LRFN5: variants seen among roughly 807,000 people sequenced by gnomAD.
LRFN5 encodes the protein leucine-rich repeat and fibronectin type-III domain-containing protein 5.
A neutral mutation model predicts 45.6 loss-of-function variants in LRFN5; 24 were observed. That is an observed-to-expected ratio of 0.53 (90% CI 0.38 to 0.74). The LOEUF is 0.74. Among genes scored for constraint, LRFN5 ranks in the 30% least tolerant of loss-of-function variants. The pLI is 0.00. For missense variants in LRFN5, 776 were observed against 861.5 expected (o/e 0.90, Z 1.24); for synonymous variants, 340 against 313.8 (o/e 1.08, Z -0.88).
chr14:41,683,768 C>A (rs1471432339), intron 1 of LRFN5, among the ~76,000 whole-genome samples: 1 of 151,948 alleles, frequency 6.6e-6, no homozygotes, highest in African/African-American at 2.4e-5. Context: ...ACAATTAAAA[C>A]TATAAAACAT....
At chr14:41,649,878 T>A (rs567975288) in intron 1 of LRFN5, among the ~76,000 whole-genome samples, 60 of 152,316 alleles carry the variant, frequency 3.9e-4, no homozygotes, top group African/African-American at 1.3e-3. Flanking sequence ...ATACTCTGTT[T>A]CAGTAGTTCC....
At chr14:41,662,218 G>A (rs1026860991) in intron 1 of LRFN5, among the ~76,000 whole-genome samples, 1 of 152,056 alleles carries the variant, frequency 6.6e-6, no homozygotes, top group African/African-American at 2.4e-5. Flanking sequence ...ATATGAATAA[G>A]AGCTGAGACG....
At chr14:41,883,079 C>T (rs1252637695) in intron 2 of LRFN5, among the ~76,000 whole-genome samples, 1 of 151,834 alleles carries the variant, frequency 6.6e-6, no homozygotes, top group Admixed American at 6.6e-5. Context: ...GAACTCCTGA[C>T]CACGTAATCT....
intron 2 of LRFN5, among the ~76,000 whole-genome samples, chr14:41,824,221 A>T (rs1295147985): frequency 6.6e-6 from 1 of 152,148 alleles, no homozygotes; most frequent in Non-Finnish European, 1.5e-5. Flanking sequence ...GGTTATTTAG[A>T]GGTGTTGTAA....
chr14:41,830,400 A>C (rs1295049254), intron 2 of LRFN5, among the ~76,000 whole-genome samples: 1 of 152,140 alleles, frequency 6.6e-6, no homozygotes, highest in African/African-American at 2.4e-5. Flanking sequence ...TGTTAATAAA[A>C]TATTTAAAGG....
At chr14:41,834,775 A>G (rs1888604156) in intron 2 of LRFN5, among the ~76,000 whole-genome samples, 1 of 151,882 alleles carries the variant, frequency 6.6e-6, no homozygotes. Context: ...TGATCCTCCC[A>G]CCTCAGCCAC....
chr14:41,800,687 C>T (rs1887296474), intron 2 of LRFN5, among the ~76,000 whole-genome samples: 1 of 151,180 alleles, frequency 6.6e-6, no homozygotes, highest in Non-Finnish European at 1.5e-5. Flanking sequence ...AAATTAAATG[C>T]AGCATACACG....
intron 1 of LRFN5, among the ~76,000 whole-genome samples, chr14:41,620,489 C>T (rs184519016): frequency 3.3e-5 from 5 of 151,996 alleles, no homozygotes; most frequent in Admixed American, 6.6e-5. Context: ...AGGACATGTT[C>T]GAAGAATTGA....
chr14:41,803,271 C>A (rs1887401595), intron 2 of LRFN5, among the ~76,000 whole-genome samples: 1 of 152,034 alleles, frequency 6.6e-6, no homozygotes, highest in South Asian at 2.1e-4. Flanking sequence ...ACATTCTTTT[C>A]CAAAACTACA....
At chr14:41,704,688 G>A (rs1882992617) in intron 1 of LRFN5, among the ~76,000 whole-genome samples, 1 of 151,780 alleles carries the variant, frequency 6.6e-6, no homozygotes, top group African/African-American at 2.4e-5. Flanking sequence ...ATCACTTATT[G>A]TACTAGTTGC....
chr14:41,634,740 G>A (rs1888672184), intron 1 of LRFN5, among the ~76,000 whole-genome samples: 1 of 152,056 alleles, frequency 6.6e-6, no homozygotes, highest in African/African-American at 2.4e-5. Flanking sequence ...TAGGGTTTGG[G>A]TCTGTTTTAA....
intron 2 of LRFN5, among the ~76,000 whole-genome samples, chr14:41,805,014 G>A (rs953133293): frequency 6.6e-6 from 1 of 151,978 alleles, no homozygotes; most frequent in Non-Finnish European, 1.5e-5. Flanking sequence ...TGGTTTTACT[G>A]CAGAAGGAAT....
intron 2 of LRFN5, among the ~76,000 whole-genome samples, chr14:41,881,420 C>T (rs1218381242): frequency 6.6e-6 from 1 of 151,456 alleles, no homozygotes; most frequent in Non-Finnish European, 1.5e-5. Context: ...AGTTATTCTC[C>T]ATATATGCAA....
intron 2 of LRFN5, among the ~76,000 whole-genome samples, chr14:41,784,732 G>T (rs1300603771): frequency 3.3e-5 from 5 of 151,974 alleles, no homozygotes; most frequent in African/African-American, 1.2e-4. Flanking sequence ...GGGTTCAAAT[G>T]ATTCTCCTGC....
chr14:41,896,650 G>A (rs1287480869), intron 4 of LRFN5, among the ~76,000 whole-genome samples: 3 of 152,072 alleles, frequency 2.0e-5, no homozygotes, highest in African/African-American at 7.2e-5. Flanking sequence ...AGGACAGATT[G>A]CCCAGTCTTT....
intron 2 of LRFN5, among the ~76,000 whole-genome samples, chr14:41,779,061 C>T (rs1373964443): frequency 6.6e-6 from 1 of 151,732 alleles, no homozygotes; most frequent in African/African-American, 2.4e-5. Flanking sequence ...TGAGAGGGAA[C>T]ATTCTTATAT....
At chr14:41,621,027 A>G (rs1888116360) in intron 1 of LRFN5, among the ~76,000 whole-genome samples, 1 of 152,114 alleles carries the variant, frequency 6.6e-6, no homozygotes, top group Non-Finnish European at 1.5e-5. Context: ...ATTTACTTAT[A>G]TGTACCAATA....
chr14:41,859,627 C>G (rs1333684991), intron 2 of LRFN5, among the ~76,000 whole-genome samples: 2 of 152,156 alleles, frequency 1.3e-5, no homozygotes, highest in Non-Finnish European at 2.9e-5. Flanking sequence ...AGTTCAAATG[C>G]AGGAAGAAGC....
intron 1 of LRFN5, among the ~76,000 whole-genome samples, chr14:41,670,254 CAGATATATATAT>C (rs1881123506): frequency 1.7e-5 from 1 of 59,920 alleles, no homozygotes; most frequent in Non-Finnish European, 3.3e-5. Context: ...CACATACACA[CAGATATATATAT>C]ATATATATAT....
Sources: allele counts gnomAD v4.1 joint callset (sites outside exome capture counted in the v4.1 genomes callset), GRCh38; gene constraint gnomAD v4.1.1; transcripts MANE v1.5; gene names NCBI Gene and HGNC (gene_info 2026-07-23, HGNC 2026-07-21).